The following SCML2 variants were observed in gnomAD, a reference collection of about 807,000 sequenced individuals.
The protein encoded by SCML2 is sex comb on midleg-like protein 2.
SCML2 carries 6 observed loss-of-function variants against 48.4 expected under a neutral mutation model. The observed-to-expected ratio is 0.12, with a 90% CI of 0.07 to 0.24. The LOEUF (loss-of-function observed/expected upper bound fraction) is 0.24. Ranked by LOEUF, SCML2 falls within the 10% of genes least tolerant of loss-of-function variation. The probability of loss-of-function intolerance (pLI) is 1.00; values close to 1 mark genes in which losing one functional copy is unlikely to be tolerated. For synonymous variants in SCML2, 181 were observed against 189.5 expected (o/e 0.95, Z 0.37); for missense variants, 377 against 528.2 (o/e 0.71, Z 2.81).
intron 9 of SCML2, among the ~76,000 whole-genome samples, chrX:18,259,518 T>C (rs1926981719): frequency 8.9e-6 from 1 of 111,758 alleles, no homozygotes; most frequent in Admixed American, 9.5e-5. Context: ...CTATTAAAAA[T>C]TCAACCCACG....
upstream of SCML2, chrX:18,354,747 C>G (rs1930489981): frequency 4.7e-6 from 1 of 210,804 alleles, no homozygotes; most frequent in Admixed American, 7.4e-5. Flanking sequence ...GCGCGGCCGG[C>G]CCGCGTGCCC....
intron 7 of SCML2, among the ~76,000 whole-genome samples, chrX:18,292,447 A>G (rs1248926041): frequency 9.0e-6 from 1 of 111,524 alleles, no homozygotes; most frequent in Admixed American, 9.5e-5. Flanking sequence ...ACAGCCATAC[A>G]ATGGAATGCA....
chrX:18,334,648 T>C, intron 1 of SCML2, among the ~76,000 whole-genome samples: 2 of 111,875 alleles, frequency 1.8e-5, no homozygotes, highest in Middle Eastern at 4.6e-3. Context: ...TATAATTCAT[T>C]AATTCAAACT....
intron 7 of SCML2, among the ~76,000 whole-genome samples, chrX:18,299,360 A>T (rs1445814609): frequency 1.8e-5 from 2 of 110,643 alleles, no homozygotes; most frequent in Non-Finnish European, 3.8e-5. Flanking sequence ...AAAAATAAAA[A>T]AAAAAAAATT....
At chrX:18,343,760 C>CAAA (rs1196514399) in intron 1 of SCML2, among the ~76,000 whole-genome samples, 151 of 38,464 alleles carry the variant, frequency 3.9e-3, no homozygotes, top group Non-Finnish European at 6.3e-3. Context: ...GACTCTGTCT[C>CAAA]AAAAAAAAAA....
intron 11 of SCML2, among the ~76,000 whole-genome samples, chrX:18,253,523 T>A (rs1387104947): frequency 9.0e-6 from 1 of 110,977 alleles, no homozygotes; most frequent in African/African-American, 3.3e-5. Context: ...GAATAAAAAA[T>A]TTCACCTAAG....
chrX:18,288,095 A>G (rs1162306422), intron 7 of SCML2, among the ~76,000 whole-genome samples: 1 of 111,541 alleles, frequency 9.0e-6, no homozygotes, highest in Non-Finnish European at 1.9e-5. Flanking sequence ...TCATCTAGCA[A>G]CATGAGCTTT....
rs1339231112 is a variant in SCML2, at chrX:18,354,685, C to T, written c.-118G>A. The stretch of plus-strand genomic sequence containing the variant: ...CACCGCCGCCGCCATGTTTGAGAAG[C>T]CGCGCGCGGAGCCGCGCATGCCCCG... On this transcript the variant is annotated 5_prime_UTR_variant, in exon 1 of 15. Transcript: ENST00000251900. The T allele has an allele frequency of 1.5e-4, 42 of 278,793 alleles. No homozygotes were observed. The highest frequency in any genetic ancestry group is 2.4e-4 in the Non-Finnish European group (38 of 158,722). 23.0% of individuals were successfully genotyped at this position (278,793 alleles called of 1,213,427 possible).
intron 14 of SCML2, among the ~76,000 whole-genome samples, chrX:18,241,981 T>C (rs1926279930): frequency 8.9e-6 from 1 of 112,215 alleles, no homozygotes; most frequent in Admixed American, 9.5e-5. Context: ...AATCAATTTA[T>C]GTCATGGAAG....
At chrX:18,308,845 T>C (rs936480013) in intron 6 of SCML2, among the ~76,000 whole-genome samples, 1 of 111,212 alleles carries the variant, frequency 9.0e-6, no homozygotes, top group Non-Finnish European at 1.9e-5. Context: ...AAAGAAGACA[T>C]ACAAGTGGCT....
At chrX:18,332,490 T>C (rs1239592484) in intron 2 of SCML2, among the ~76,000 whole-genome samples, 1 of 112,265 alleles carries the variant, frequency 8.9e-6, no homozygotes, top group Non-Finnish European at 1.9e-5. Context: ...GTGTGAACAC[T>C]TGAGAGGGAT....
chrX:18,318,381 T>G (rs1310641366), intron 6 of SCML2, among the ~76,000 whole-genome samples: 2 of 112,990 alleles, frequency 1.8e-5, no homozygotes, highest in Non-Finnish European at 3.7e-5. Context: ...ATTCCAAGTA[T>G]AGTTGTAATA....
At chrX:18,318,521 A>G (rs1181322829) in intron 6 of SCML2, among the ~76,000 whole-genome samples, 1 of 112,456 alleles carries the variant, frequency 8.9e-6, no homozygotes, top group Non-Finnish European at 1.9e-5. Context: ...AACATAAACT[A>G]CTTTGGAAAT....
chrX:18,295,458 G>A (rs768419888), intron 7 of SCML2, among the ~76,000 whole-genome samples: 1 of 112,098 alleles, frequency 8.9e-6, no homozygotes. Flanking sequence ...CCCGTTGGGG[G>A]CCTGAGGACT....
intron 7 of SCML2, among the ~76,000 whole-genome samples, chrX:18,267,643 T>C: frequency 9.3e-6 from 1 of 107,542 alleles, no homozygotes; most frequent in South Asian, 4.2e-4. Flanking sequence ...TGGAGTGCAG[T>C]GGCGCGATCT....
At chrX:18,260,943 C>T (rs1927039757) in intron 8 of SCML2, among the ~76,000 whole-genome samples, 1 of 109,301 alleles carries the variant, frequency 9.1e-6, no homozygotes, top group Admixed American at 9.6e-5. Flanking sequence ...TACCTTCAAA[C>T]ATGACTCTCC....
intron 6 of SCML2, among the ~76,000 whole-genome samples, chrX:18,316,454 T>C (rs1201681085): frequency 9.0e-6 from 1 of 111,549 alleles, no homozygotes; most frequent in African/African-American, 3.3e-5. Flanking sequence ...AAAAGGCCAT[T>C]AAACAAATCT....
At chrX:18,282,848 C>A (rs775512673) in intron 7 of SCML2, among the ~76,000 whole-genome samples, 4 of 111,239 alleles carry the variant, frequency 3.6e-5, no homozygotes, top group Non-Finnish European at 7.5e-5. Context: ...GAATTCACAG[C>A]CGAATTCCAT....
intron 7 of SCML2, among the ~76,000 whole-genome samples, chrX:18,267,697 T>C (rs1927302770): frequency 9.2e-6 from 1 of 108,761 alleles, no homozygotes; most frequent in Non-Finnish European, 1.9e-5. Context: ...GCCATTCTCC[T>C]GCCTCAGCAT....
Sources: allele counts gnomAD v4.1 joint callset (sites outside exome capture counted in the v4.1 genomes callset), GRCh38; gene constraint gnomAD v4.1.1; transcripts MANE v1.5; gene names NCBI Gene and HGNC (gene_info 2026-07-23, HGNC 2026-07-21).